The following LHFPL6 variants were observed in gnomAD, a reference collection of about 807,000 sequenced individuals.
LHFPL6 encodes LHFPL tetraspan subfamily member 6.
LHFPL6 carries 9 observed loss-of-function variants against 20.6 expected under a neutral mutation model. The ratio of observed to expected loss-of-function variants is 0.44; its 90% CI spans 0.26 to 0.76. The LOEUF (loss-of-function observed/expected upper bound fraction) is 0.76. Ranked by LOEUF, LHFPL6 falls within the 30% of genes least tolerant of loss-of-function variation. The pLI is 0.20. For missense variants in LHFPL6, 218 were observed against 253.5 expected, an observed-to-expected ratio of 0.86 and a Z score of 0.95; for synonymous variants, 105 against 98.7, an observed-to-expected ratio of 1.06 and a Z score of -0.38.
At chr13:39,531,264 A>G (rs1408859993) in intron 2 of LHFPL6, among the ~76,000 whole-genome samples, 1 of 152,190 alleles carries the variant, frequency 6.6e-6, no homozygotes, top group South Asian at 2.1e-4. Context: ...TTCTGAATAT[A>G]TTGCATGTCA....
intron 2 of LHFPL6, among the ~76,000 whole-genome samples, chr13:39,569,265 T>A (rs1481291616): frequency 6.6e-6 from 1 of 152,140 alleles, no homozygotes; most frequent in Non-Finnish European, 1.5e-5. Flanking sequence ...TATCCGCAAA[T>A]GTCTTTGCAA....
rs368914626 is a variant in LHFPL6 at position 39,437,757 on chromosome 13, C to G, written c.386-59231G>C. On this transcript the variant is annotated intron_variant, in intron 2 of 3. Coordinates refer to ENST00000379589, the MANE Select transcript of LHFPL6 (RefSeq NM_005780.3). ...CTCTACTAAAAATACAAAAAATTAG[C>G]TGGGCGTGGTGGCGGGTGCCTGTAG... 2.0e-4 allele frequency among the ~76,000 whole-genome samples: 31 copies of G among 152,116 alleles called. No individual in the cohort carries two copies. The East Asian group carries it at 3.7e-3, about 18-fold the overall frequency.
intron 2 of LHFPL6, among the ~76,000 whole-genome samples, chr13:39,532,573 T>C (rs980379860): frequency 6.6e-6 from 1 of 152,196 alleles, no homozygotes; most frequent in African/African-American, 2.4e-5. Flanking sequence ...GGACCAAATA[T>C]GCCATATTCC....
intron 2 of LHFPL6, among the ~76,000 whole-genome samples, chr13:39,523,288 G>A (rs1467255325): frequency 6.6e-6 from 1 of 152,190 alleles, no homozygotes; most frequent in African/African-American, 2.4e-5. Context: ...AGTTAGTGCA[G>A]GCCAGGCGCG....
At chr13:39,598,942 A>G (rs1330021747) in intron 2 of LHFPL6, among the ~76,000 whole-genome samples, 1 of 152,196 alleles carries the variant, frequency 6.6e-6, no homozygotes, top group Non-Finnish European at 1.5e-5. Flanking sequence ...ACAAAGAAAA[A>G]AACATGGTTC....
intron 2 of LHFPL6, among the ~76,000 whole-genome samples, chr13:39,390,678 C>T (rs1870684383): frequency 6.6e-6 from 1 of 152,102 alleles, no homozygotes; most frequent in African/African-American, 2.4e-5. Context: ...CTCCTAAATC[C>T]ATACAAATAA....
rs1187835409 is a variant in LHFPL6 at position 39,601,320 on chromosome 13, C to T, written c.-104G>A. On this transcript the variant is annotated 5_prime_UTR_variant, in exon 2 of 4. Coordinates refer to ENST00000379589, the MANE Select transcript of LHFPL6 (RefSeq NM_005780.3). ...GGGACCCACAGATAATCCACAGTTC[C>T]GTAATGCAGAATGGATCTTCAGTCT... 4 of 1,170,640 alleles carry T rather than the reference C, an allele frequency of 3.4e-6. No individual in the cohort carries two copies. The East Asian group carries it at 7.4e-5, about 22-fold the overall frequency. The allele number at this position is 1,170,640 out of a possible 1,614,324, so 72.5% of individuals were successfully genotyped here. A position where few individuals can be genotyped will look rare whatever the true frequency, so the allele number is the denominator to read the frequency against.
At chr13:39,511,466 TAA>T (rs67885553) in intron 2 of LHFPL6, among the ~76,000 whole-genome samples, 51,871 of 140,662 alleles carry the variant, frequency 0.37, 10,496 homozygotes, top group African/African-American at 0.58. Flanking sequence ...TTTAAATTCT[TAA>T]AAAAAAAAAA....
chr13:39,594,819 G>C (rs2138552018), intron 2 of LHFPL6, among the ~76,000 whole-genome samples: 1 of 152,298 alleles, frequency 6.6e-6, no homozygotes, highest in East Asian at 1.9e-4. Flanking sequence ...CCTTTGTAGG[G>C]ACATGGATGA....
chr13:39,484,921 C>T (rs964954884), intron 2 of LHFPL6, among the ~76,000 whole-genome samples: 5 of 152,104 alleles, frequency 3.3e-5, no homozygotes, highest in African/African-American at 9.7e-5. Flanking sequence ...TGGACTTTTC[C>T]CCCCTTCCTT....
At chr13:39,417,051 G>A (rs575920298) in intron 2 of LHFPL6, among the ~76,000 whole-genome samples, 51 of 152,358 alleles carry the variant, frequency 3.3e-4, no homozygotes, top group Non-Finnish European at 1.2e-4. Context: ...GCCCGAAGGT[G>A]TAGGGAGACT....
intron 3 of LHFPL6, among the ~76,000 whole-genome samples, chr13:39,375,197 A>G (rs1237012967): frequency 6.6e-6 from 1 of 152,226 alleles, no homozygotes; most frequent in Non-Finnish European, 1.5e-5. Context: ...GGTGTGGCAG[A>G]GGCAAGCAGC....
intron 2 of LHFPL6, among the ~76,000 whole-genome samples, chr13:39,391,134 T>C (rs1262249312): frequency 1.3e-5 from 2 of 152,230 alleles, no homozygotes; most frequent in Non-Finnish European, 2.9e-5. Context: ...AAGTCCTAGA[T>C]ACTCTGATGG....
intron 2 of LHFPL6, among the ~76,000 whole-genome samples, chr13:39,484,061 A>G (rs1054126647): frequency 2.0e-5 from 3 of 152,094 alleles, no homozygotes; most frequent in Non-Finnish European, 4.4e-5. Flanking sequence ...AATACTCTCT[A>G]TTTACACTTC....
chr13:39,358,318 G>C (rs1407573960), intron 3 of LHFPL6, among the ~76,000 whole-genome samples: 2 of 152,116 alleles, frequency 1.3e-5, no homozygotes, highest in Non-Finnish European at 2.9e-5. Context: ...TTCGATAAAT[G>C]GTGCTCGTAT....
intron 2 of LHFPL6, among the ~76,000 whole-genome samples, chr13:39,556,710 C>T (rs959431056): frequency 6.6e-6 from 1 of 152,110 alleles, no homozygotes; most frequent in African/African-American, 2.4e-5. Flanking sequence ...ATGCTATAAA[C>T]CCAGCAATTT....
intron 2 of LHFPL6, among the ~76,000 whole-genome samples, chr13:39,560,136 A>C (rs1871426033): frequency 6.6e-6 from 1 of 152,210 alleles, no homozygotes; most frequent in Non-Finnish European, 1.5e-5. Flanking sequence ...GCAAAAATTC[A>C]TGGGAGCTCC....
At chr13:39,587,910 GC>G (rs1872500102) in intron 2 of LHFPL6, among the ~76,000 whole-genome samples, 1 of 152,020 alleles carries the variant, frequency 6.6e-6, no homozygotes, top group Non-Finnish European at 1.5e-5. Context: ...GAGGAACCAT[GC>G]CCACGAAACT....
At chr13:39,566,037 TC>T (rs1312697719) in intron 2 of LHFPL6, among the ~76,000 whole-genome samples, 2 of 152,184 alleles carry the variant, frequency 1.3e-5, no homozygotes, top group Non-Finnish European at 2.9e-5. Context: ...AAACATAGAC[TC>T]AAACAAATGA....
Sources: allele counts gnomAD v4.1 joint callset (sites outside exome capture counted in the v4.1 genomes callset), GRCh38; gene constraint gnomAD v4.1.1; transcripts MANE v1.5; gene names NCBI Gene and HGNC (gene_info 2026-07-23, HGNC 2026-07-21).